The following PARP8 variants were observed in gnomAD, a reference collection of about 807,000 sequenced individuals.
PARP8 encodes the protein protein mono-ADP-ribosyltransferase PARP8.
Under a neutral mutation model 124.1 loss-of-function variants are expected in PARP8, and 51 were observed. The ratio of observed to expected loss-of-function variants is 0.41; its 90% confidence interval spans 0.33 to 0.52. The LOEUF (loss-of-function observed/expected upper bound fraction) is 0.52, where lower values mean the gene tolerates loss of function less well. Ranked by LOEUF, PARP8 falls within the 20% of genes least tolerant of loss-of-function variation. The probability of loss-of-function intolerance (pLI) is 0.21; values close to 1 mark genes in which losing one functional copy is unlikely to be tolerated. For synonymous variants in PARP8, 391 were observed against 361.5 expected (o/e 1.08, Z -0.93); for missense variants, 860 against 1,018.9 (o/e 0.84, Z 2.12).
At chr5:50,835,508 C>T (rs1162295593) in intron 25 of PARP8, among the ~76,000 whole-genome samples, 1 of 152,032 alleles carries the variant, frequency 6.6e-6, no homozygotes, top group Non-Finnish European at 1.5e-5. Flanking sequence ...CCACTTACTC[C>T]AGCCTGGGTG....
intron 25 of PARP8, among the ~76,000 whole-genome samples, chr5:50,839,003 A>G (rs1747883438): frequency 6.6e-6 from 1 of 151,612 alleles, no homozygotes. Context: ...ATTTTTTTTA[A>G]TTTGTAGAGA....
chr5:50,773,832 A>ATT (rs35571636), intron 7 of PARP8, among the ~76,000 whole-genome samples: 7,807 of 135,962 alleles, frequency 0.057, 252 homozygotes, highest in Middle Eastern at 0.11. Context: ...TATTTCATTA[A>ATT]TTTTTTTTTT....
chr5:50,781,671 A>G (rs571906395), intron 9 of PARP8, among the ~76,000 whole-genome samples: 1 of 152,306 alleles, frequency 6.6e-6, no homozygotes, highest in South Asian at 2.1e-4. Context: ...TTGTCCTTAG[A>G]CAAATAAGCT....
chr5:50,766,195 A>T (rs1369115081), intron 7 of PARP8, among the ~76,000 whole-genome samples: 1 of 152,212 alleles, frequency 6.6e-6, no homozygotes, highest in Non-Finnish European at 1.5e-5. Context: ...TCACCATTCT[A>T]TCCAAAAGCC....
intron 7 of PARP8, among the ~76,000 whole-genome samples, chr5:50,771,098 T>C (rs1464054780): frequency 1.3e-5 from 2 of 149,264 alleles, no homozygotes; most frequent in African/African-American, 5.0e-5. Context: ...ATGTGCTCTC[T>C]CTCTCTATAT....
chr5:50,819,569 T>G (rs1481814943), intron 15 of PARP8, among the ~76,000 whole-genome samples: 1 of 150,358 alleles, frequency 6.7e-6, no homozygotes, highest in Non-Finnish European at 1.5e-5. Context: ...GCCACCCGAG[T>G]AGCTGGCGCT....
At chr5:50,782,330 G>T (rs1740761822) in intron 9 of PARP8, among the ~76,000 whole-genome samples, 2 of 152,024 alleles carry the variant, frequency 1.3e-5, no homozygotes, top group Non-Finnish European at 2.9e-5. Flanking sequence ...TTAGGTACTG[G>T]TTATGATTGT....
chr5:50,696,785 T>C (rs1174943804), intron 2 of PARP8, among the ~76,000 whole-genome samples: 3 of 152,168 alleles, frequency 2.0e-5, no homozygotes, highest in East Asian at 3.9e-4. Context: ...TGCCCCCTAA[T>C]CTGTTGCTTC....
chr5:50,667,171 G>A lies in PARP8; in HGVS notation c.76G>A (p.Asp26Asn). The change falls in exon 1 of 26, where the codon GAC becomes AAC. Residue 26 changes from aspartate (D) to asparagine (N), a missense_variant. Physicochemically the swap from Asp to Asn is conservative, Grantham distance 23. Transcript: ENST00000281631. ...GATCCAGAAGTCCAGAGCTGAGAAGGACTGCCTGTTTGCAGGTGAGTTCTT... is the reference window on the plus strand; with the variant it reads ...GATCCAGAAGTCCAGAGCTGAGAAGAACTGCCTGTTTGCAGGTGAGTTCTT... ...VVIQKSRAEK[D>N]CLFADFRYSD... 1 of 1,596,370 alleles carries A rather than the reference G, an allele frequency of 6.3e-7. No individual in the cohort carries two copies. The highest frequency in any genetic ancestry group is 1.1e-5 in the South Asian group (1 of 90,990).
chr5:50,756,544 C>G (rs563638237), intron 3 of PARP8, among the ~76,000 whole-genome samples: 109 of 152,204 alleles, frequency 7.2e-4, no homozygotes, highest in Middle Eastern at 3.4e-3. Context: ...GAGCAAACCT[C>G]TCATTTTATA....
intron 2 of PARP8, among the ~76,000 whole-genome samples, chr5:50,712,342 A>G (rs907425110): frequency 6.6e-6 from 1 of 152,112 alleles, no homozygotes; most frequent in African/African-American, 2.4e-5. Flanking sequence ...AGTTTTGTGG[A>G]GCACCTATAA....
rs1748566763 is a variant in PARP8, at chr5:50,845,787, TC to T, written c.*3722del. On this transcript the variant is annotated 3_prime_UTR_variant, in exon 26 of 26. Coordinates refer to ENST00000281631, the MANE Select transcript of PARP8 (RefSeq NM_024615.4). ...ATGTCCATTACCTAAAGCCACAATC[TC>T]CCGCTCTAAGGAGTTAAAGGATGAA... is the stretch of plus-strand genomic sequence containing the variant. The T allele has an allele frequency of 6.6e-6, 1 of 151,762 alleles. No homozygotes were observed. The highest frequency in any genetic ancestry group is 1.5e-5 in the Non-Finnish European group (1 of 67,798). 9.4% of individuals were successfully genotyped at this position (151,762 alleles called of 1,614,324 possible). A position where few individuals can be genotyped will look rare whatever the true frequency, so the allele number is the denominator to read the frequency against.
At position 50,795,073 on chromosome 5, in the gene PARP8, C is replaced by T. The variant is rs1742379756; in HGVS notation, c.1084C>T (p.Leu362Phe). Residue 362 changes from leucine to phenylalanine, a missense_variant, in exon 12 of 26, where the codon CTT (leucine) becomes TTT (phenylalanine). Around this residue, in one of 2 missense-constraint regions of PARP8, gnomAD observed 517 missense variants for 544.2 expected, o/e 0.95. Coordinates refer to ENST00000281631, the MANE Select transcript of PARP8 (RefSeq NM_024615.4). ...TATGACAGCAATTAAATCGCACAAA[C>T]TTTTGAACCGTCCTTGCCCTGCAGC... ...QAMTAIKSHKLLNRPCPAAVK... is the reference protein window; with the variant it reads ...QAMTAIKSHKFLNRPCPAAVK... The T allele has an allele frequency of 6.2e-7, 1 of 1,614,200 alleles. No homozygotes were observed.
chr5:50,778,111 C>T lies in PARP8; in HGVS notation c.561C>T (p.Ile187=), dbSNP rs774845957. ...AIDDVDIDLH[I]DVSFLDEEIA... The stretch of plus-strand genomic sequence containing the variant: ...ATGATGTAGATATTGATCTGCATAT[C>T]GATGTTAGCTTTCTTGATGTAAGTA... Residue 187 remains isoleucine (I), a synonymous_variant, in exon 8 of 26, where the codon ATC becomes ATT. Transcript: ENST00000281631. 6 of 1,606,154 alleles carry T rather than the reference C, an allele frequency of 3.7e-6. No homozygotes were observed. The highest frequency in any genetic ancestry group is 3.4e-6 in the Non-Finnish European group (4 of 1,176,582).
chr5:50,838,118 T>TA (rs1402257308), intron 25 of PARP8, among the ~76,000 whole-genome samples: 1 of 152,144 alleles, frequency 6.6e-6, no homozygotes, highest in Non-Finnish European at 1.5e-5. Context: ...CAAAAAGGGC[T>TA]AATACCTCAA....
At chr5:50,706,089 CG>C in intron 2 of PARP8, among the ~76,000 whole-genome samples, 1 of 152,186 alleles carries the variant, frequency 6.6e-6, no homozygotes, top group South Asian at 2.1e-4. Flanking sequence ...AAATTCTACT[CG>C]AGGTAGAAAG....
chr5:50,669,770 A>G (rs1302984548), intron 2 of PARP8, among the ~76,000 whole-genome samples: 4 of 152,212 alleles, frequency 2.6e-5, no homozygotes, highest in Non-Finnish European at 5.9e-5. Flanking sequence ...CTCTTAAAGT[A>G]AGAGATGTTT....
chr5:50,748,707 G>A (rs1473594622), intron 2 of PARP8, among the ~76,000 whole-genome samples: 1 of 152,042 alleles, frequency 6.6e-6, no homozygotes, highest in African/African-American at 2.4e-5. Context: ...TCTTATCACT[G>A]TTTCCTTGTG....
intron 2 of PARP8, among the ~76,000 whole-genome samples, chr5:50,670,181 G>A (rs1334502420): frequency 6.6e-6 from 1 of 152,076 alleles, no homozygotes; most frequent in Non-Finnish European, 1.5e-5. Flanking sequence ...TAATCTTGCT[G>A]TGTTTTGATT....
Sources: allele counts gnomAD v4.1 joint callset (sites outside exome capture counted in the v4.1 genomes callset), GRCh38; gene constraint gnomAD v4.1.1; regional missense constraint gnomAD v4.1.1; transcripts MANE v1.5; gene names NCBI Gene and HGNC (gene_info 2026-07-23, HGNC 2026-07-21).